Variants in CIPC observed in about 807,000 individuals in gnomAD.
CIPC encodes the protein CLOCK interacting pacemaker.
CIPC carries 12 observed loss-of-function variants against 26.7 expected under a neutral mutation model. The observed-to-expected ratio is 0.45, with a 90% CI of 0.29 to 0.73. The LOEUF (loss-of-function observed/expected upper bound fraction) is 0.73. CIPC is among the 30% of genes least tolerant of loss of function. The pLI, the probability that CIPC is intolerant of heterozygous loss-of-function variation, is 0.12. For synonymous variants in CIPC, 170 were observed against 189.8 expected (o/e 0.90, Z 0.86); for missense variants, 417 against 486.5 (o/e 0.86, Z 1.34).
At chr14:77,109,712 G>A (rs75351083) in intron 2 of CIPC, 100 bp from the exon 3 acceptor site, 157,635 of 1,053,400 alleles carry the variant, frequency 0.15, 13,535 homozygotes, top group Admixed American at 0.28. Flanking sequence ...CACATCACAA[G>A]TGTTGCATTC....
chr14:77,110,751 G>A (rs1054588654), intron 3 of CIPC, among the ~76,000 whole-genome samples: 6 of 152,160 alleles, frequency 3.9e-5, no homozygotes, highest in East Asian at 1.9e-4. Flanking sequence ...TAATCTTACC[G>A]TACTTTCCTC....
In CIPC at chr14:77,113,363, C is replaced by T. The variant is rs534539787; in HGVS notation, c.307-62C>T. On this transcript the variant is annotated intron_variant, in intron 3 of 3. Coordinates refer to ENST00000361786, the MANE Select transcript of CIPC (RefSeq NM_033426.3). Reference sequence around the variant, plus strand: ...TATCCACTTGCCCCTTTGACAGAAGCTTCACTCCTCTATCCTTTCAGCAGT... The same window carrying T: ...TATCCACTTGCCCCTTTGACAGAAGTTTCACTCCTCTATCCTTTCAGCAGT... The T allele has an allele frequency of 1.9e-6, 3 of 1,582,760 alleles. No homozygotes were observed. In the East Asian group the frequency reaches 6.7e-5, roughly 35 times the overall value.
rs536384146 is a variant in CIPC, at chr14:77,101,535, T to C, written c.-53+3174T>C. 9.2e-5 allele frequency among the ~76,000 whole-genome samples: 14 copies of C among 152,350 alleles called. No individual in the cohort carries two copies. The South Asian group carries it at 2.7e-3, about 29-fold the overall frequency. ...CAACTGCCACCAACTCCCCAGGATC[T>C]AAATTTAGCATCTGTTCTCTTTTTA... On this transcript the variant is annotated intron_variant, in intron 1 of 3. Coordinates refer to ENST00000361786, the MANE Select transcript of CIPC (RefSeq NM_033426.3).
At chr14:77,099,250 A>G (rs762022497) in intron 1 of CIPC, 1 of 152,312 alleles carries the variant, frequency 6.6e-6, no homozygotes, top group Non-Finnish European at 1.5e-5. Context: ...GGGATCGGAG[A>G]AAGTTCTCTA....
rs908087900 is a variant in CIPC at position 77,106,548 on chromosome 14, C to G, written c.136+704C>G. On this transcript the variant is annotated intron_variant, in intron 2 of 3. Transcript: ENST00000361786. Reference sequence around the variant, plus strand: ...TGAGGGTAGTGGCTTGAATATGGCGCTAGTGTGATTTTTGGCGCGGGGATG... The same window carrying G: ...TGAGGGTAGTGGCTTGAATATGGCGGTAGTGTGATTTTTGGCGCGGGGATG... 3.9e-5 allele frequency among the ~76,000 whole-genome samples: 6 copies of G among 152,108 alleles called. No individual in the cohort carries two copies. The East Asian group carries it at 9.6e-4, about 24-fold the overall frequency.
rs756216521 is a variant in CIPC, at chr14:77,113,709, G to T, written c.591G>T (p.Leu197Phe). Residue 197 changes from leucine (L) to phenylalanine (F), a missense_variant, in exon 4 of 4, where the codon TTG (leucine) becomes TTT (phenylalanine). By Grantham distance (22) the Leu-to-Phe change is conservative. Transcript: ENST00000361786. ...GTACTGAGAGACTTGGGCCTAGCTT[G>T]TCTTCCAGTGAGCCAACCAAGGCTG... ...KICTERLGPSLSSSEPTKAGA... is the reference protein window; with the variant it reads ...KICTERLGPSFSSSEPTKAGA... The T allele has an allele frequency of 1.6e-5, 25 of 1,612,616 alleles. No individual in the cohort carries two copies. The highest frequency in any genetic ancestry group is 2.0e-5 in the Non-Finnish European group (24 of 1,179,072).
In CIPC at chr14:77,114,599, G is replaced by A. The variant is rs562224227; in HGVS notation, c.*281G>A. The A allele has an allele frequency of 1.4e-5, 5 of 355,672 alleles. No homozygotes were observed. The highest frequency in any genetic ancestry group is 4.3e-5 in the Admixed American group (1 of 23,164). 22.0% of individuals were successfully genotyped at this position (355,672 alleles called of 1,614,324 possible). On this transcript the variant is annotated 3_prime_UTR_variant, in exon 4 of 4. Transcript: ENST00000361786. ...CTTCAATGGATCATGGGGCAAAGCA[G>A]GAGATGATTGTGTGGGGCTCTTCCT...
chr14:77,105,614 C>A (rs1886575972), intron 1 of CIPC, 43 bp from the exon 2 acceptor site: 1 of 1,357,282 alleles, frequency 7.4e-7, no homozygotes, highest in Non-Finnish European at 1.0e-6. Context: ...TCACCTGTTT[C>A]AGCTCTCCAG....
chr14:77,108,797 C>T (rs1187382468), intron 2 of CIPC, among the ~76,000 whole-genome samples: 3 of 152,110 alleles, frequency 2.0e-5, no homozygotes, highest in Non-Finnish European at 4.4e-5. Flanking sequence ...TTTTGAGTAT[C>T]ACTAATGTAG....
At chr14:77,104,123 TGCCAAGCCAAGCCAAGGCCCAGA>T (rs1296781526) in intron 1 of CIPC, among the ~76,000 whole-genome samples, 1 of 152,212 alleles carries the variant, frequency 6.6e-6, no homozygotes, top group Non-Finnish European at 1.5e-5. Flanking sequence ...CACTTTGGGA[TGCCAAGCCAAGCCAAGGCCCAGA>T]GCCAAGCCCG....
Position 77,109,998 on chromosome 14 carries a change from T to C in CIPC, c.306+17T>C, listed in dbSNP as rs1594821781. 3 of 1,605,042 alleles carry C rather than the reference T, an allele frequency of 1.9e-6. No homozygotes were observed. The highest frequency in any genetic ancestry group is 1.3e-5 in the African/African-American group (1 of 74,626). ...GTCAAACAGGTGAGGAGGACTAATA[T>C]CACCTAAAGTCTTTGCAAATAAAAA... is the stretch of plus-strand genomic sequence containing the variant. On this transcript the variant is annotated intron_variant, in intron 3 of 3. Coordinates refer to ENST00000361786, the MANE Select transcript of CIPC (RefSeq NM_033426.3).
chr14:77,113,516 C>A lies in CIPC; in HGVS notation c.398C>A (p.Pro133His). ...CCACAGCTCTTATTCCTTCATCCACCTGTACCATCTCCTGTCAGTCCATGT... is the reference window on the plus strand; with the variant it reads ...CCACAGCTCTTATTCCTTCATCCACATGTACCATCTCCTGTCAGTCCATGT... ...AQPQLLFLHP[P>H]VPSPVSPCHT... The change falls in exon 4 of 4, where the codon CCT becomes CAT. Residue 133 changes from proline (P) to histidine (H), a missense_variant. By Grantham distance (77) the Pro-to-His change is moderately conservative. Transcript: ENST00000361786. The A allele has an allele frequency of 6.2e-7, 1 of 1,614,162 alleles. No individual in the cohort carries two copies. The highest frequency in any genetic ancestry group is 8.5e-7 in the Non-Finnish European group (1 of 1,179,998).
At chr14:77,102,726 A>G (rs1886514493) in intron 1 of CIPC, among the ~76,000 whole-genome samples, 1 of 152,216 alleles carries the variant, frequency 6.6e-6, no homozygotes, top group African/African-American at 2.4e-5. Context: ...AATTAGTTGC[A>G]ACTAACATGA....
chr14:77,109,662 T>C (rs1886656536), intron 2 of CIPC, 150 bp from the exon 3 acceptor site: 2 of 612,296 alleles, frequency 3.3e-6, no homozygotes, highest in Non-Finnish European at 5.5e-6. Context: ...GAAAAGCCAA[T>C]GAAAGCTAAA....
At chr14:77,113,207 T>A (rs1886737461) in intron 3 of CIPC, among the ~76,000 whole-genome samples, 2 of 152,208 alleles carry the variant, frequency 1.3e-5, no homozygotes, top group South Asian at 4.1e-4. Context: ...AGCACTTGAA[T>A]AAAAATAGGT....
At chr14:77,107,447 C>T (rs766406689) in intron 2 of CIPC, among the ~76,000 whole-genome samples, 1 of 152,170 alleles carries the variant, frequency 6.6e-6, no homozygotes, top group Non-Finnish European at 1.5e-5. Flanking sequence ...CAGTGATTTC[C>T]TCACTGCCTG....
chr14:77,112,921 A>G (rs1886733343), intron 3 of CIPC, among the ~76,000 whole-genome samples: 1 of 152,130 alleles, frequency 6.6e-6, no homozygotes, highest in Admixed American at 6.6e-5. Context: ...CACGTTGGCC[A>G]GGCTGGTCTC....
Position 77,115,210 on chromosome 14 carries a change from A to C in CIPC, c.*892A>C, listed in dbSNP as rs2140037398. 1 of 147,760 alleles carries C rather than the reference A, an allele frequency of 6.8e-6. No homozygotes were observed. 9.2% of individuals were successfully genotyped at this position (147,760 alleles called of 1,614,324 possible). A position where few individuals can be genotyped will look rare whatever the true frequency, so the allele number is the denominator to read the frequency against. The stretch of plus-strand genomic sequence containing the variant: ...AAGGATAGTTTCAGTGGTTCCTGGG[A>C]TGTAGTATAAGTTAACTCTGCTGCC... On this transcript the variant is annotated 3_prime_UTR_variant, in exon 4 of 4. Transcript: ENST00000361786.
chr14:77,108,596 C>T (rs902583167), intron 2 of CIPC, among the ~76,000 whole-genome samples: 1 of 151,904 alleles, frequency 6.6e-6, no homozygotes, highest in Non-Finnish European at 1.5e-5. Context: ...GAGGCTGAGG[C>T]AGGAGAACCG....
Sources: gnomAD v4.1 joint callset for allele counts (sites outside exome capture counted in the v4.1 genomes callset) on GRCh38, gnomAD v4.1.1 for gene constraint, MANE v1.5 for transcripts, NCBI Gene and HGNC (gene_info 2026-07-23, HGNC 2026-07-21) for gene names.